The following LRRFIP1 variants were observed in gnomAD, a reference collection of about 807,000 sequenced individuals.
The protein encoded by LRRFIP1 is LRR binding FLII interacting protein 1.
LRRFIP1 carries 62 observed loss-of-function variants against 104.4 expected under a neutral mutation model. The observed-to-expected ratio is 0.59, with a 90% confidence interval of 0.48 to 0.73. LRRFIP1 has a LOEUF of 0.73. Ranked by LOEUF, LRRFIP1 falls within the 30% of genes least tolerant of loss-of-function variation. The pLI, the probability that LRRFIP1 is intolerant of heterozygous loss-of-function variation, is 0.00. For missense variants in LRRFIP1, 796 were observed against 824.5 expected, an observed-to-expected ratio of 0.97 and a Z score of 0.42; for synonymous variants, 300 against 299.0, an observed-to-expected ratio of 1.00 and a Z score of -0.03.
At chr2:237,719,657 C>T in intron 5 of LRRFIP1, 90 bp downstream of exon 5, 1 of 821,296 alleles carries the variant, frequency 1.2e-6, no homozygotes. Flanking sequence ...TATATTCAAT[C>T]TCTTAATGAT....
chr2:237,719,456 C>G (rs547516366), intron 4 of LRRFIP1, 67 bp from the exon 5 acceptor site: 2 of 1,184,134 alleles, frequency 1.7e-6, no homozygotes, highest in Non-Finnish European at 2.5e-6. Context: ...ACTACCTAAG[C>G]TTTTTTAAAG....
rs773551917 is a variant in LRRFIP1 at position 237,772,215 on chromosome 2, G to C, written c.1627+17G>C. The stretch of plus-strand genomic sequence containing the variant: ...ACCTACAAAGTAAATGTCAATTCTT[G>C]TGTAGAAGTAAATGCTTTCACATGT... On this transcript the variant is annotated intron_variant, in intron 21 of 23. Transcript: ENST00000308482. 2 of 1,583,634 alleles carry C rather than the reference G, an allele frequency of 1.3e-6. No individual in the cohort carries two copies. The highest frequency in any genetic ancestry group is 2.2e-5 in the South Asian group (2 of 90,392).
intron 8 of LRRFIP1, among the ~76,000 whole-genome samples, chr2:237,728,746 A>G (rs2094877465): frequency 6.6e-6 from 1 of 151,876 alleles, no homozygotes; most frequent in Non-Finnish European, 1.5e-5. Flanking sequence ...TATCTTAATT[A>G]TGTTATATTA....
At chr2:237,728,262 A>G (rs1371566170) in intron 8 of LRRFIP1, among the ~76,000 whole-genome samples, 2 of 152,230 alleles carry the variant, frequency 1.3e-5, no homozygotes, top group Non-Finnish European at 2.9e-5. Context: ...TAATGTGTGT[A>G]TTAAGTATAT....
At position 237,717,845 on chromosome 2, in the gene LRRFIP1, C is replaced by T; in HGVS notation, c.249+36C>T. The T allele has an allele frequency of 6.6e-7, 1 of 1,503,852 alleles. No homozygotes were observed. The highest frequency in any genetic ancestry group is 9.3e-7 in the Non-Finnish European group (1 of 1,079,658). 93.2% of individuals were successfully genotyped at this position (1,503,852 alleles called of 1,614,324 possible). On this transcript the variant is annotated intron_variant, in intron 4 of 23. Transcript: ENST00000308482. This position sits in a 1 kb window ranked among gnomAD's most constrained non-coding sequence, Gnocchi z 4.2. ...AATATAATTTTGTTTTTACTCTTCC[C>T]TCCCCACTTGAATACAGTGTTGAGA...
chr2:237,708,478 T>C, intron 1 of LRRFIP1, 66 bp from the exon 2 acceptor site: 1 of 1,226,412 alleles, frequency 8.2e-7, no homozygotes, highest in South Asian at 1.5e-5. Flanking sequence ...GCATCATCAC[T>C]GCTGACCCTG....
intron 4 of LRRFIP1, among the ~76,000 whole-genome samples, chr2:237,718,817 A>G (rs1221176777): frequency 1.3e-5 from 2 of 152,264 alleles, no homozygotes; most frequent in Non-Finnish European, 2.9e-5. Flanking sequence ...TGTATTGAAA[A>G]TATGATTACA....
intron 1 of LRRFIP1, among the ~76,000 whole-genome samples, chr2:237,699,923 G>A (rs958168365): frequency 6.6e-6 from 1 of 152,224 alleles, no homozygotes. Context: ...AAGGCTCTTT[G>A]TGGTTCCTGG....
chr2:237,735,281 A>C lies in LRRFIP1; in HGVS notation c.503A>C (p.Asp168Ala). The C allele has an allele frequency of 1.2e-6, 2 of 1,613,462 alleles. No homozygotes were observed. Among genetic ancestry groups the C allele is most frequent in the Non-Finnish European group, 1.7e-6 (2 of 1,179,802 alleles). ...PSGSYRASVL[D>A]EGSFGGTRRG... ...TTTTGGTCGCAGGCGTCTGTGTTGG[A>C]TGAAGGCAGCTTCGGTGGGACCCGA... Residue 168 changes from aspartate to alanine, a missense_variant, in exon 10 of 24, where the codon GAT becomes GCT. Asp to Ala is a moderately radical substitution (Grantham distance 126). Transcript: ENST00000308482. This position sits in a 1 kb window ranked among gnomAD's most constrained non-coding sequence, Gnocchi z 4.6.
chr2:237,749,387 TAAAAA>T (rs200556733), intron 13 of LRRFIP1, 63 bp downstream of exon 13: 1 of 1,022,696 alleles, frequency 9.8e-7, no homozygotes, highest in Admixed American at 2.7e-5. Context: ...GTCTTTAGAT[TAAAAA>T]AAAAAAAGTT....
intron 1 of LRRFIP1, among the ~76,000 whole-genome samples, chr2:237,642,323 C>A (rs889899455): frequency 3.9e-5 from 6 of 152,258 alleles, no homozygotes; most frequent in Admixed American, 1.3e-4. Flanking sequence ...AGGTTCTAGG[C>A]TGCACGCCTG....
At chr2:237,771,236 A>AAT (rs2060591276) in intron 20 of LRRFIP1, among the ~76,000 whole-genome samples, 2 of 150,730 alleles carry the variant, frequency 1.3e-5, no homozygotes, top group East Asian at 3.9e-4. Context: ...TTCCAACTAT[A>AAT]CGGTCAGCCC....
intron 1 of LRRFIP1, among the ~76,000 whole-genome samples, chr2:237,697,156 G>A (rs2149830332): frequency 6.6e-6 from 1 of 152,210 alleles, no homozygotes; most frequent in African/African-American, 2.4e-5. Context: ...TGAAGCAGCT[G>A]GGACTACAGG....
At chr2:237,769,641 G>GT (rs1335322322) in intron 19 of LRRFIP1, 1 of 344,214 alleles carries the variant, frequency 2.9e-6, no homozygotes, top group Non-Finnish European at 5.4e-6. Context: ...GAGATCTTGT[G>GT]TTGCAGCGTG....
chr2:237,656,146 ATG>A (rs2086786373), intron 1 of LRRFIP1, among the ~76,000 whole-genome samples: 2 of 152,224 alleles, frequency 1.3e-5, no homozygotes, highest in African/African-American at 4.8e-5. Flanking sequence ...ATCTATCTAT[ATG>A]TAAGGTGGCA....
intron 17 of LRRFIP1, 141 bp from the exon 18 acceptor site, chr2:237,758,588 T>C: frequency 1.7e-6 from 1 of 587,258 alleles, no homozygotes; most frequent in Non-Finnish European, 3.0e-6. Context: ...ATTTTGTTAG[T>C]ATCTTTAGGC....
intron 13 of LRRFIP1, among the ~76,000 whole-genome samples, chr2:237,750,130 C>T (rs761494458): frequency 5.1e-4 from 78 of 151,966 alleles, no homozygotes; most frequent in Non-Finnish European, 8.2e-4. Context: ...GCTGGATGGC[C>T]GTTTGCCAGG....
intron 2 of LRRFIP1, among the ~76,000 whole-genome samples, chr2:237,709,433 T>C (rs1234693217): frequency 6.6e-6 from 1 of 152,222 alleles, no homozygotes; most frequent in Non-Finnish European, 1.5e-5. Flanking sequence ...ATTTATTTTG[T>C]TAGACAGAAG....
At chr2:237,660,249 G>A (rs879780198) in intron 1 of LRRFIP1, among the ~76,000 whole-genome samples, 3 of 152,192 alleles carry the variant, frequency 2.0e-5, no homozygotes, top group African/African-American at 2.4e-5. Context: ...ACAGAAAGAA[G>A]TCCAAACTTC....
Sources: gnomAD v4.1 joint callset for allele counts (sites outside exome capture counted in the v4.1 genomes callset) on GRCh38, gnomAD v4.1.1 for gene constraint, Gnocchi (gnomAD v3.1) non-coding constraint, MANE v1.5 for transcripts, NCBI Gene and HGNC (gene_info 2026-07-23, HGNC 2026-07-21) for gene names.